The following IMMP2L variants were observed in gnomAD, a reference collection of about 807,000 sequenced individuals.
IMMP2L encodes the protein mitochondrial inner membrane protease subunit 2.
Under a neutral mutation model 19.3 loss-of-function variants are expected in IMMP2L, and 18 were observed. The observed-to-expected ratio is 0.93, with a 90% CI of 0.64 to 1.38. IMMP2L has a LOEUF of 1.38. IMMP2L is among the 40% of genes most tolerant of loss of function. The probability of loss-of-function intolerance (pLI) is 0.00; values close to 1 mark genes in which losing one functional copy is unlikely to be tolerated. For missense variants in IMMP2L, 233 were observed against 218.2 expected, an observed-to-expected ratio of 1.07 and a Z score of -0.43; for synonymous variants, 76 against 73.0, an observed-to-expected ratio of 1.04 and a Z score of -0.21.
intron 3 of IMMP2L, among the ~76,000 whole-genome samples, chr7:111,142,952 A>C (rs1803093262): frequency 6.6e-6 from 1 of 152,154 alleles, no homozygotes; most frequent in Non-Finnish European, 1.5e-5. Flanking sequence ...CCCATCCTGT[A>C]CTATTGTATA....
At chr7:111,099,775 T>C (rs184882126) in intron 3 of IMMP2L, 2 of 151,718 alleles carry the variant, frequency 1.3e-5, no homozygotes, top group Admixed American at 6.6e-5. Flanking sequence ...GGTTAAAGTA[T>C]TGTGAATCAT....
At position 110,712,599 on chromosome 7, in the gene IMMP2L, C is replaced by A. The variant is rs1794951307; in HGVS notation, c.409-48878G>T. On this transcript the variant is annotated intron_variant, in intron 5 of 5. Transcript: ENST00000405709. ...CAAGCCTGGGCAACGGCGGGCGCCC[C>A]TCCCCCAGCCTCGTTGCCGCCTTGC... is the stretch of plus-strand genomic sequence containing the variant. Among the ~76,000 whole-genome samples the A allele has an allele frequency of 1.4e-4, 4 of 29,428 alleles. 2 individuals carry two copies. The highest frequency in any genetic ancestry group is 5.8e-4 in the African/African-American group (4 of 6,938). 19.3% of individuals were successfully genotyped at this position (29,428 alleles called of 152,430 possible). A position where few individuals can be genotyped will look rare whatever the true frequency, so the allele number is the denominator to read the frequency against.
chr7:111,034,562 A>G (rs925310268), intron 3 of IMMP2L, among the ~76,000 whole-genome samples: 15 of 152,066 alleles, frequency 9.9e-5, no homozygotes, highest in African/African-American at 2.9e-4. Context: ...CCCTCCACCT[A>G]TCTATCCACC....
At position 111,330,514 on chromosome 7, in the gene IMMP2L, A is replaced by T. The variant is rs578191950; in HGVS notation, c.239+156724T>A. The stretch of plus-strand genomic sequence containing the variant: ...CCACTAGCCACGGGGTGGGGGGAAA[A>T]AAAAAACTTGTAACAATCAACTCAG... On this transcript the variant is annotated intron_variant, in intron 3 of 5. Coordinates refer to ENST00000405709, the MANE Select transcript of IMMP2L (RefSeq NM_032549.4). Among the ~76,000 whole-genome samples, 17 of 151,874 alleles carry T rather than the reference A, an allele frequency of 1.1e-4. No homozygotes were observed. The South Asian group carries it at 3.3e-3, about 30-fold the overall frequency.
intron 3 of IMMP2L, among the ~76,000 whole-genome samples, chr7:111,270,443 G>A (rs765976615): frequency 6.6e-5 from 10 of 152,090 alleles, no homozygotes; most frequent in Non-Finnish European, 1.2e-4. Flanking sequence ...TATTTGTCAT[G>A]AGTATTGTAT....
chr7:111,272,851 G>A (rs542693082), intron 3 of IMMP2L, among the ~76,000 whole-genome samples: 2 of 152,110 alleles, frequency 1.3e-5, no homozygotes, highest in Non-Finnish European at 2.9e-5. Flanking sequence ...TACCCAGTAA[G>A]ATCACCTCAG....
Position 110,837,682 on chromosome 7 carries a change from G to A in IMMP2L, c.408+48911C>T, listed in dbSNP as rs1037092763. On this transcript the variant is annotated intron_variant, in intron 5 of 5. Transcript: ENST00000405709. ...ATAGGTTGATGTCAACTATACAGGGGCCTCAAGCTACTTAAGAGAAAACCG... is the reference window on the plus strand; with the variant it reads ...ATAGGTTGATGTCAACTATACAGGGACCTCAAGCTACTTAAGAGAAAACCG... 2.6e-5 allele frequency among the ~76,000 whole-genome samples: 4 copies of A among 152,064 alleles called. No individual in the cohort carries two copies. In the East Asian group the frequency reaches 5.8e-4, roughly 22 times the overall value.
chr7:111,405,239 A>G (rs900677855), intron 3 of IMMP2L, among the ~76,000 whole-genome samples: 3 of 152,230 alleles, frequency 2.0e-5, no homozygotes, highest in African/African-American at 7.2e-5. Flanking sequence ...CTCAAATTTA[A>G]AGGATTTATC....
chr7:111,014,680 G>A (rs1003225052), intron 3 of IMMP2L, among the ~76,000 whole-genome samples: 1 of 151,936 alleles, frequency 6.6e-6, no homozygotes. Flanking sequence ...TATTTGATGA[G>A]GGGCTAATAT....
chr7:111,129,589 A>C (rs1801655301), intron 3 of IMMP2L, among the ~76,000 whole-genome samples: 1 of 152,194 alleles, frequency 6.6e-6, no homozygotes, highest in Non-Finnish European at 1.5e-5. Flanking sequence ...ATGCATTGCT[A>C]ACTAGGTCGT....
At chr7:110,866,742 A>G (rs1169926316) in intron 5 of IMMP2L, among the ~76,000 whole-genome samples, 3 of 152,114 alleles carry the variant, frequency 2.0e-5, no homozygotes, top group South Asian at 2.1e-4. Context: ...AACCCAAAGG[A>G]GTAAATCCCA....
chr7:111,298,042 T>A (rs1375004672), intron 3 of IMMP2L, among the ~76,000 whole-genome samples: 1 of 152,146 alleles, frequency 6.6e-6, no homozygotes, highest in African/African-American at 2.4e-5. Context: ...AATGACATTA[T>A]CTTATTATAT....
intron 3 of IMMP2L, among the ~76,000 whole-genome samples, chr7:111,303,007 C>T (rs1351303359): frequency 6.6e-6 from 1 of 152,108 alleles, no homozygotes; most frequent in East Asian, 1.9e-4. Context: ...ATTACACTGC[C>T]ATCTTGCCTC....
At chr7:111,013,790 G>A (rs1011220716) in intron 3 of IMMP2L, among the ~76,000 whole-genome samples, 2 of 151,212 alleles carry the variant, frequency 1.3e-5, no homozygotes, top group African/African-American at 4.9e-5. Context: ...GTTTATCTGT[G>A]GTATATCTTG....
intron 3 of IMMP2L, among the ~76,000 whole-genome samples, chr7:111,473,132 A>C (rs1841415063): frequency 6.6e-6 from 1 of 152,108 alleles, no homozygotes; most frequent in Non-Finnish European, 1.5e-5. Context: ...CCACTTCTTG[A>C]ATATTTGCTG....
At position 111,231,803 on chromosome 7, in the gene IMMP2L, AG is replaced by A. The variant is rs1813746399; in HGVS notation, c.239+255434del. Among the ~76,000 whole-genome samples, 3 of 152,030 alleles carry A rather than the reference AG, an allele frequency of 2.0e-5. No individual in the cohort carries two copies. The South Asian group carries it at 6.2e-4, about 31-fold the overall frequency. Reference sequence around the variant, plus strand: ...TCTTCATAAAAAACTCTATAAGTGTAGGCAATTCGAATATAACTGAAACACT... The same window carrying A: ...TCTTCATAAAAAACTCTATAAGTGTAGCAATTCGAATATAACTGAAACACT... On this transcript the variant is annotated intron_variant, in intron 3 of 5. Coordinates refer to ENST00000405709, the MANE Select transcript of IMMP2L (RefSeq NM_032549.4).
intron 3 of IMMP2L, among the ~76,000 whole-genome samples, chr7:111,201,178 C>A (rs998259389): frequency 3.2e-4 from 48 of 151,122 alleles, no homozygotes; most frequent in African/African-American, 1.1e-3. Flanking sequence ...CTTTTAAACA[C>A]AAACAATTCA....
At chr7:111,186,530 G>C (rs1808281238) in intron 3 of IMMP2L, among the ~76,000 whole-genome samples, 1 of 151,988 alleles carries the variant, frequency 6.6e-6, no homozygotes, top group Admixed American at 6.6e-5. Flanking sequence ...AAGGGTTCCA[G>C]CGATTCTCCT....
intron 4 of IMMP2L, among the ~76,000 whole-genome samples, chr7:110,902,669 A>C (rs1204690972): frequency 2.6e-5 from 1 of 38,244 alleles, no homozygotes; most frequent in Non-Finnish European, 4.4e-5. Flanking sequence ...TCACGCCTGT[A>C]ATCCCAGCAC....
Sources: allele counts gnomAD v4.1 joint callset (sites outside exome capture counted in the v4.1 genomes callset), GRCh38; gene constraint gnomAD v4.1.1; transcripts MANE v1.5; gene names NCBI Gene and HGNC (gene_info 2026-07-23, HGNC 2026-07-21).